The following PRKCB variants were observed in gnomAD, a reference collection of about 807,000 sequenced individuals.
PRKCB encodes the protein protein kinase C beta type.
Under a neutral mutation model 81.5 loss-of-function variants are expected in PRKCB, and 13 were observed. The ratio of observed to expected loss-of-function variants is 0.16; its 90% CI spans 0.10 to 0.25. The LOEUF (loss-of-function observed/expected upper bound fraction) is 0.25, where lower values mean the gene tolerates loss of function less well. Ranked by LOEUF, PRKCB falls within the 10% of genes least tolerant of loss-of-function variation. The pLI, the probability that PRKCB is intolerant of heterozygous loss-of-function variation, is 1.00. For synonymous variants in PRKCB, 335 were observed against 321.4 expected, an observed-to-expected ratio of 1.04 and a Z score of -0.45; for missense variants, 509 against 875.7, an observed-to-expected ratio of 0.58 and a Z score of 5.29.
intron 3 of PRKCB, among the ~76,000 whole-genome samples, chr16:24,017,588 A>G (rs1026960384): frequency 1.3e-5 from 2 of 152,242 alleles, no homozygotes; most frequent in Admixed American, 6.5e-5. Context: ...GAAACTGGGA[A>G]AACATTTACT....
At chr16:24,001,275 A>G (rs920802902) in intron 3 of PRKCB, among the ~76,000 whole-genome samples, 5 of 152,222 alleles carry the variant, frequency 3.3e-5, no homozygotes, top group Non-Finnish European at 2.9e-5. Flanking sequence ...TGGCTTTAGA[A>G]ATAATTTCTT....
At chr16:23,998,804 G>T (rs73540964) in intron 3 of PRKCB, among the ~76,000 whole-genome samples, 17,735 of 152,134 alleles carry the variant, frequency 0.12, 2,487 homozygotes, top group African/African-American at 0.34. Context: ...ACCAGGAAAG[G>T]GTGAAGAATG....
At chr16:23,875,494 T>C (rs1962981108) in intron 2 of PRKCB, among the ~76,000 whole-genome samples, 2 of 147,244 alleles carry the variant, frequency 1.4e-5, no homozygotes, top group African/African-American at 4.9e-5. Context: ...TATATATATA[T>C]ATATATATAT....
intron 2 of PRKCB, among the ~76,000 whole-genome samples, chr16:23,960,308 T>C (rs1406582406): frequency 6.6e-6 from 1 of 152,126 alleles, no homozygotes; most frequent in African/African-American, 2.4e-5. Context: ...TTCAGAACAC[T>C]TCCACTTTCC....
In PRKCB at chr16:23,841,286, G is replaced by T. The variant is rs140044587; in HGVS notation, c.205+3880G>T. On this transcript the variant is annotated intron_variant, in intron 2 of 16. Coordinates refer to ENST00000643927, the MANE Select transcript of PRKCB (RefSeq NM_002738.7). ...GTAGAGATGGGGTTTCATCATTTTG[G>T]CCAGGCTGGTCTTGAACTCCTGACC... 8.3e-3 allele frequency among the ~76,000 whole-genome samples: 1,256 copies of T among 152,006 alleles called. 16 individuals are homozygous for T. The highest frequency in any genetic ancestry group is 7.4e-3 in the Non-Finnish European group (502 of 67,962).
intron 5 of PRKCB, among the ~76,000 whole-genome samples, chr16:24,068,436 A>C (rs1966065168): frequency 6.6e-6 from 1 of 150,842 alleles, no homozygotes; most frequent in Non-Finnish European, 1.5e-5. Context: ...CTAGCTTCTT[A>C]GTCCTTTGCC....
chr16:24,021,572 T>C (rs7199174), intron 3 of PRKCB, among the ~76,000 whole-genome samples: 87,065 of 150,842 alleles, frequency 0.58, 25,515 homozygotes, highest in South Asian at 0.78. Flanking sequence ...AGAGTGTTAT[T>C]GTCTATAACC....
chr16:24,217,651 C>G lies in PRKCB; in HGVS notation c.*2835C>G, dbSNP rs993052611. 6.1e-6 allele frequency: 6 copies of G among 985,392 alleles called. No individual in the cohort carries two copies. In the African/African-American group the frequency reaches 8.7e-5, roughly 14 times the overall value. 61.0% of individuals were successfully genotyped at this position (985,392 alleles called of 1,614,324 possible). A position where few individuals can be genotyped will look rare whatever the true frequency, so the allele number is the denominator to read the frequency against. On this transcript the variant is annotated 3_prime_UTR_variant, in exon 17 of 17. Coordinates refer to ENST00000643927, the MANE Select transcript of PRKCB (RefSeq NM_002738.7). ...TGTGGTTATCTGAAGCATTAGCCAT[C>G]ACCAGCACAACAAACGGGGCAGGGC...
chr16:23,860,398 G>T (rs1039303292), intron 2 of PRKCB, among the ~76,000 whole-genome samples: 17 of 152,154 alleles, frequency 1.1e-4, no homozygotes, highest in Admixed American at 6.5e-5. Flanking sequence ...AGGATGAGGT[G>T]CCTGTGCCAT....
intron 2 of PRKCB, among the ~76,000 whole-genome samples, chr16:23,876,517 G>A (rs1054518162): frequency 1.3e-5 from 2 of 152,012 alleles, no homozygotes; most frequent in Admixed American, 6.6e-5. Context: ...GGGTTAGTCC[G>A]ATATGTCTCC....
intron 2 of PRKCB, among the ~76,000 whole-genome samples, chr16:23,971,173 G>T (rs1399728534): frequency 2.0e-5 from 3 of 152,206 alleles, no homozygotes; most frequent in African/African-American, 7.2e-5. Context: ...AGCCGTGGCA[G>T]TAGTTACCAT....
At chr16:24,138,845 C>CCT (rs1555499087) in intron 9 of PRKCB, among the ~76,000 whole-genome samples, 1 of 78,848 alleles carries the variant, frequency 1.3e-5, no homozygotes, top group African/African-American at 5.3e-5. Flanking sequence ...CAGTATTTGT[C>CCT]TTTTTTTTTT....
At chr16:24,159,861 C>T (rs964003369) in intron 10 of PRKCB, among the ~76,000 whole-genome samples, 2 of 151,958 alleles carry the variant, frequency 1.3e-5, no homozygotes, top group African/African-American at 2.4e-5. Flanking sequence ...TGCACGCACC[C>T]GTAGTCCCAC....
At chr16:23,953,672 A>G (rs1475040019) in intron 2 of PRKCB, among the ~76,000 whole-genome samples, 1 of 152,244 alleles carries the variant, frequency 6.6e-6, no homozygotes, top group Non-Finnish European at 1.5e-5. Context: ...AGGCTGCAAC[A>G]GGAGATGTAA....
At chr16:24,144,132 A>C (rs555648760) in intron 9 of PRKCB, among the ~76,000 whole-genome samples, 6 of 150,686 alleles carry the variant, frequency 4.0e-5, no homozygotes, top group Non-Finnish European at 7.4e-5. Flanking sequence ...AGTAGGAGAG[A>C]GAGAAAGAGA....
chr16:24,052,807 A>G (rs1240532345), intron 5 of PRKCB, among the ~76,000 whole-genome samples: 13 of 152,196 alleles, frequency 8.5e-5, no homozygotes, highest in African/African-American at 3.1e-4. Flanking sequence ...TTTATCAGCA[A>G]GGTCTTTGTG....
At chr16:24,190,994 G>C (rs193069544) in intron 15 of PRKCB, 96 bp from the exon 16 acceptor site, 13 of 1,392,684 alleles carry the variant, frequency 9.3e-6, no homozygotes, top group Middle Eastern at 1.9e-4. Flanking sequence ...CTTCATTTGC[G>C]CTTTCTTTCC....
intron 2 of PRKCB, among the ~76,000 whole-genome samples, chr16:23,903,698 C>A (rs1963517195): frequency 6.6e-6 from 1 of 152,094 alleles, no homozygotes; most frequent in African/African-American, 2.4e-5. Context: ...CTCTTTCCAC[C>A]CAGGGTCTTT....
At position 23,957,151 on chromosome 16, in the gene PRKCB, TGTA is replaced by T. The variant is rs1163043527; in HGVS notation, c.206-31356_206-31354del. On this transcript the variant is annotated intron_variant, in intron 2 of 16. Transcript: ENST00000643927. ...GGAGAATGTATTCATGAATTGCTTA[TGTA>T]ATAAGAAAGACTATTAAAAATAGGT... 1.8e-4 allele frequency among the ~76,000 whole-genome samples: 28 copies of T among 152,196 alleles called. No individual in the cohort carries two copies. In the South Asian group the frequency reaches 5.6e-3, roughly 30 times the overall value.
Sources: allele counts gnomAD v4.1 joint callset (sites outside exome capture counted in the v4.1 genomes callset), GRCh38; gene constraint gnomAD v4.1.1; transcripts MANE v1.5; gene names NCBI Gene and HGNC (gene_info 2026-07-23, HGNC 2026-07-21).